The following TEC variants were observed in gnomAD, a reference collection of about 807,000 sequenced individuals.
TEC encodes tyrosine-protein kinase Tec.
Under a neutral mutation model 93.0 loss-of-function variants are expected in TEC, and 72 were observed. The ratio of observed to expected loss-of-function variants is 0.77; its 90% CI spans 0.64 to 0.94. The LOEUF (loss-of-function observed/expected upper bound fraction) is 0.94, where lower values mean the gene tolerates loss of function less well. Ranked by LOEUF, TEC falls within the 40% of genes least tolerant of loss-of-function variation. TEC has a pLI of 0.00. For synonymous variants in TEC, 249 were observed against 247.7 expected (o/e 1.01, Z -0.05); for missense variants, 630 against 757.9 (o/e 0.83, Z 1.98).
In TEC at chr4:48,145,092, A is replaced by G; in HGVS notation, c.1457T>C (p.Ile486Thr). 1 of 1,613,964 alleles carries G rather than the reference A, an allele frequency of 6.2e-7. No homozygotes were observed. The highest frequency in any genetic ancestry group is 8.5e-7 in the Non-Finnish European group (1 of 1,179,876). ...GGCTAGGGTTACCAGATCTCTGTGG[A>G]TGAAGCTGTTTCTCTCCAGATACTC... ...GMEYLERNSF[I>T]HRDLAARNCL... The change falls in exon 14 of 18, where the codon ATC becomes ACC. Residue 486 changes from isoleucine (I) to threonine (T), a missense_variant. Transcript: ENST00000381501.
At chr4:48,183,225 C>G (rs1020979949) in intron 2 of TEC, among the ~76,000 whole-genome samples, 1 of 152,180 alleles carries the variant, frequency 6.6e-6, no homozygotes, top group South Asian at 2.1e-4. Flanking sequence ...TTCCTTTCTC[C>G]GTAGAAATAG....
At chr4:48,179,373 TATA>T (rs1424970388) in intron 2 of TEC, among the ~76,000 whole-genome samples, 973 of 27,910 alleles carry the variant, frequency 0.035, 24 homozygotes, top group Non-Finnish European at 0.05. Flanking sequence ...TATATATATA[TATA>T]TTTTTTTTTT....
intron 12 of TEC, 119 bp from the exon 13 acceptor site, chr4:48,145,698 T>TTTTG: frequency 9.1e-7 from 1 of 1,094,296 alleles, no homozygotes; most frequent in Non-Finnish European, 1.3e-6. Flanking sequence ...AACACTGTAA[T>TTTTG]AATTCCTGGT....
At chr4:48,205,041 C>T (rs897386048) in intron 2 of TEC, among the ~76,000 whole-genome samples, 2 of 152,202 alleles carry the variant, frequency 1.3e-5, no homozygotes, top group Admixed American at 6.5e-5. Context: ...CCAACTTTGA[C>T]ACTTATTAGT....
At chr4:48,187,041 T>G (rs938934958) in intron 2 of TEC, among the ~76,000 whole-genome samples, 1 of 152,228 alleles carries the variant, frequency 6.6e-6, no homozygotes, top group African/African-American at 2.4e-5. Context: ...ACTGTGTCTG[T>G]GTAGAAAGAA....
rs34792468 is a variant in TEC, at chr4:48,260,619, G to GAA, written c.-46+9131_-46+9132dup. On this transcript the variant is annotated intron_variant, in intron 1 of 17. Coordinates refer to ENST00000381501, the MANE Select transcript of TEC (RefSeq NM_003215.3). ...ACTCTGTCTCTAAAACAAAAAAAAA[G>GAA]AAAAAAAAAATCTAAGTGTCCAACA... Among the ~76,000 whole-genome samples, 80 of 150,134 alleles carry GAA rather than the reference G, an allele frequency of 5.3e-4. 1 individual carries two copies. The highest frequency in any genetic ancestry group is 1.3e-3 in the South Asian group (6 of 4,736).
intron 1 of TEC, among the ~76,000 whole-genome samples, chr4:48,239,981 AGTGTGTGT>A (rs5858109): frequency 1.3e-5 from 2 of 149,480 alleles, no homozygotes; most frequent in Non-Finnish European, 1.5e-5. Flanking sequence ...TTGCTCTGTG[AGTGTGTGT>A]GTGTGTGTGT....
intron 14 of TEC, among the ~76,000 whole-genome samples, 168 bp downstream of exon 14, chr4:48,144,911 G>T (rs1719839267): frequency 6.6e-6 from 1 of 152,160 alleles, no homozygotes; most frequent in Admixed American, 6.5e-5. Context: ...ATTGAATAAA[G>T]ATCTTTCGTT....
intron 2 of TEC, among the ~76,000 whole-genome samples, chr4:48,179,350 A>ATTTTTTT (rs1560392999): frequency 3.7e-5 from 1 of 27,306 alleles, no homozygotes. Flanking sequence ...ATATATATAT[A>ATTTTTTT]TATATATATA....
Position 48,146,351 on chromosome 4 carries a change from G to A in TEC, c.1055C>T (p.Ala352Val). ...RYPVSVKGKN[A>V]PTTAGFSYEK... ...ATAGCTGAATCCTGCAGTGGTGGGT[G>A]CATTCTTCCCTTTCACACTAACTGG... The change falls in exon 12 of 18, where the codon GCA (alanine) becomes GTA (valine). Residue 352 changes from alanine to valine, a missense_variant. Around this residue, in one of 3 missense-constraint regions of TEC, gnomAD observed 289 missense variants for 390.0 expected, o/e 0.74. Coordinates refer to ENST00000381501, the MANE Select transcript of TEC (RefSeq NM_003215.3). 6.2e-7 allele frequency: 1 copy of A among 1,613,796 alleles called. No homozygotes were observed. The highest frequency in any genetic ancestry group is 8.5e-7 in the Non-Finnish European group (1 of 1,179,752).
At chr4:48,216,940 C>T (rs958738404) in intron 2 of TEC, among the ~76,000 whole-genome samples, 4 of 152,190 alleles carry the variant, frequency 2.6e-5, no homozygotes, top group African/African-American at 9.7e-5. Context: ...ATTGTTTCTA[C>T]TCTTAAGTTG....
chr4:48,162,006 G>A (rs1394467571), intron 8 of TEC, among the ~76,000 whole-genome samples: 2 of 152,094 alleles, frequency 1.3e-5, no homozygotes, highest in Non-Finnish European at 1.5e-5. Flanking sequence ...GCTTGTGATC[G>A]TGAGTCAGTA....
At chr4:48,164,305 T>C (rs1049795712) in intron 7 of TEC, among the ~76,000 whole-genome samples, 53 of 152,350 alleles carry the variant, frequency 3.5e-4, no homozygotes, top group African/African-American at 1.2e-3. Flanking sequence ...TTGGGGCACC[T>C]GTTAAAACAG....
At chr4:48,186,634 G>T (rs1314443093) in intron 2 of TEC, among the ~76,000 whole-genome samples, 2 of 151,734 alleles carry the variant, frequency 1.3e-5, no homozygotes, top group Non-Finnish European at 1.5e-5. Flanking sequence ...GCCCCGTCTG[G>T]GAAGTGAGGA....
chr4:48,237,262 G>A (rs1178527651), intron 1 of TEC, among the ~76,000 whole-genome samples: 1 of 151,562 alleles, frequency 6.6e-6, no homozygotes, highest in East Asian at 1.9e-4. Flanking sequence ...AGAGGTTGCA[G>A]TGAGCCAAGA....
intron 1 of TEC, among the ~76,000 whole-genome samples, chr4:48,231,743 C>A (rs1302516322): frequency 6.6e-6 from 1 of 151,830 alleles, no homozygotes; most frequent in African/African-American, 2.4e-5. Context: ...GGCGACAGAG[C>A]AAGACTCCGT....
intron 2 of TEC, among the ~76,000 whole-genome samples, chr4:48,202,042 T>C (rs942611075): frequency 6.1e-5 from 9 of 148,102 alleles, no homozygotes; most frequent in Non-Finnish European, 8.9e-5. Context: ...CTGCAAGCTC[T>C]GCCTCCCGGG....
At chr4:48,147,681 C>T (rs1415997608) in intron 11 of TEC, among the ~76,000 whole-genome samples, 1 of 152,142 alleles carries the variant, frequency 6.6e-6, no homozygotes, top group Non-Finnish European at 1.5e-5. Context: ...TCCTGTCTCA[C>T]CATTTAGCAT....
At chr4:48,258,145 G>GTTTT (rs56341256) in intron 1 of TEC, among the ~76,000 whole-genome samples, 162 of 139,914 alleles carry the variant, frequency 1.2e-3, no homozygotes, top group South Asian at 4.0e-3. Flanking sequence ...TGTTTTTTTG[G>GTTTT]TTTTTTTTTT....
Sources: allele counts gnomAD v4.1 joint callset (sites outside exome capture counted in the v4.1 genomes callset), GRCh38; gene constraint gnomAD v4.1.1; regional missense constraint gnomAD v4.1.1; transcripts MANE v1.5; gene names NCBI Gene and HGNC (gene_info 2026-07-23, HGNC 2026-07-21).